Variants in ZNG1A observed in about 807,000 individuals in gnomAD.
ZNG1A encodes zinc-regulated GTPase metalloprotein activator 1A.
At chr9:144,483 G>A in the ZNG1A span, among the ~76,000 whole-genome samples, 2 of 152,008 alleles carry the variant, frequency 1.3e-5, no homozygotes, top group African/African-American at 4.8e-5. Context: ...TGGGAAAACT[G>A]GCTAGCCATA....
the ZNG1A span, among the ~76,000 whole-genome samples, chr9:169,653 A>G: frequency 2.0e-5 from 3 of 148,910 alleles, no homozygotes; most frequent in Non-Finnish European, 3.0e-5. Context: ...AGCCACCCCA[A>G]CCTTCAGTAA....
the ZNG1A span, among the ~76,000 whole-genome samples, chr9:140,361 C>T: frequency 6.6e-6 from 1 of 151,058 alleles, no homozygotes; most frequent in African/African-American, 2.5e-5. Context: ...GACCCCTGAC[C>T]CCCGAGCAGC....
At chr9:154,671 TG>T in the ZNG1A span, 1 of 1,452,028 alleles carries the variant, frequency 6.9e-7, no homozygotes, top group African/African-American at 1.4e-5. Context: ...GTATACAACA[TG>T]GATCTGTAGG....
At chr9:146,345 G>T in the ZNG1A span, 4 of 538,710 alleles carry the variant, frequency 7.4e-6, no homozygotes, top group Non-Finnish European at 1.2e-5. Flanking sequence ...AATGAATTAG[G>T]TTTCTTTAAA....
chr9:178,131 A>C, the ZNG1A span, among the ~76,000 whole-genome samples: 12 of 151,178 alleles, frequency 7.9e-5, no homozygotes, highest in Non-Finnish European at 1.5e-4. Flanking sequence ...TTCCAGTAAG[A>C]AACTTCTAGT....
chr9:156,274 T>C, the ZNG1A span, among the ~76,000 whole-genome samples: 2 of 151,182 alleles, frequency 1.3e-5, no homozygotes, highest in Non-Finnish European at 3.0e-5. Context: ...CAGCATTCAC[T>C]TTATGCTACG....
At chr9:157,267 G>A in the ZNG1A span, among the ~76,000 whole-genome samples, 1 of 146,878 alleles carries the variant, frequency 6.8e-6, no homozygotes, top group Non-Finnish European at 1.5e-5. Flanking sequence ...CATCTCTCTG[G>A]AGGCAAGCTT....
At chr9:162,716 A>T in the ZNG1A span, among the ~76,000 whole-genome samples, 1 of 151,088 alleles carries the variant, frequency 6.6e-6, no homozygotes, top group Non-Finnish European at 1.5e-5. Context: ...ACAAATAAAA[A>T]TTTTAAATTA....
chr9:161,931 A>G, the ZNG1A span, among the ~76,000 whole-genome samples: 1 of 151,192 alleles, frequency 6.6e-6, no homozygotes, highest in Non-Finnish European at 1.5e-5. Context: ...GTTCCAGGGT[A>G]CATGCTCAGG....
At chr9:128,861 A>G in the ZNG1A span, among the ~76,000 whole-genome samples, 4 of 151,244 alleles carry the variant, frequency 2.6e-5, 1 homozygote, top group East Asian at 5.8e-4. Flanking sequence ...CTTTCGTCCT[A>G]CGGGGTGTTC....
the ZNG1A span, among the ~76,000 whole-genome samples, chr9:176,271 AAT>A: frequency 1.4e-5 from 2 of 140,594 alleles, no homozygotes; most frequent in Admixed American, 7.2e-5. Flanking sequence ...TATAAAACCC[AAT>A]ATGTCAATCT....
chr9:147,988 G>A, the ZNG1A span: 19,260 of 150,838 alleles, frequency 0.13, 1,698 homozygotes, highest in East Asian at 0.41. Flanking sequence ...TCGCACCACC[G>A]CACTCCAACT....
At chr9:154,713 T>C in the ZNG1A span, 28 of 1,596,096 alleles carry the variant, frequency 1.8e-5, no homozygotes, top group Non-Finnish European at 1.7e-5. Context: ...TCGTACCTAA[T>C]TGTCGTTCTT....
the ZNG1A span, chr9:167,099 T>A: frequency 2.7e-5 from 4 of 148,866 alleles, no homozygotes; most frequent in African/African-American, 4.9e-5. Flanking sequence ...CATTTTAGAT[T>A]AAAAAAAAAA....
the ZNG1A span, chr9:161,642 A>G: frequency 5.5e-6 from 7 of 1,284,158 alleles, no homozygotes; most frequent in Middle Eastern, 3.2e-4. Context: ...TTCTGCCTTT[A>G]GTGGTATTTC....
chr9:174,246 A>G, the ZNG1A span, among the ~76,000 whole-genome samples: 4 of 151,952 alleles, frequency 2.6e-5, no homozygotes, highest in South Asian at 6.2e-4. Flanking sequence ...CTTGTTATCT[A>G]TAAGAATTAT....
the ZNG1A span, chr9:122,339 AATAC>A: frequency 7.3e-7 from 1 of 1,366,600 alleles, no homozygotes; most frequent in Non-Finnish European, 9.5e-7. Flanking sequence ...TGATAAAGTT[AATAC>A]ATATATTAGG....
At chr9:152,442 T>C in the ZNG1A span, among the ~76,000 whole-genome samples, 1 of 152,176 alleles carries the variant, frequency 6.6e-6, no homozygotes, top group Non-Finnish European at 1.5e-5. Flanking sequence ...TCAAAATTTT[T>C]ACGGTGGTCA....
chr9:136,941 C>T, the ZNG1A span, among the ~76,000 whole-genome samples: 5 of 149,818 alleles, frequency 3.3e-5, no homozygotes, highest in Non-Finnish European at 7.4e-5. Context: ...ACTCAGGAGG[C>T]TGAGATGGGA....
Sources: allele counts gnomAD v4.1 joint callset (sites outside exome capture counted in the v4.1 genomes callset), GRCh38; gene constraint gnomAD v4.1.1; transcripts MANE v1.5; gene names NCBI Gene and HGNC (gene_info 2026-07-23, HGNC 2026-07-21).